PEAK1: variants seen among roughly 807,000 people sequenced by gnomAD.
PEAK1 encodes pseudopodium enriched atypical kinase 1, also known as inactive tyrosine-protein kinase PEAK1.
In PEAK1, 54 loss-of-function variants were observed where a neutral mutation model predicts 124.7. The ratio of observed to expected loss-of-function variants is 0.43; its 90% CI spans 0.35 to 0.54. The LOEUF (loss-of-function observed/expected upper bound fraction) is 0.54, where lower values mean the gene tolerates loss of function less well. PEAK1 is among the 20% of genes least tolerant of loss of function. PEAK1 has a pLI of 0.01. For missense variants in PEAK1, 2,046 were observed against 2,134.5 expected (o/e 0.96, Z 0.82); for synonymous variants, 719 against 760.0 (o/e 0.95, Z 0.89).
At chr15:77,167,127 G>T (rs1032698947) in intron 7 of PEAK1, among the ~76,000 whole-genome samples, 6 of 152,142 alleles carry the variant, frequency 3.9e-5, no homozygotes, top group Non-Finnish European at 8.8e-5. Flanking sequence ...TATACAAGCA[G>T]CAAGGTGTGA....
rs1174615154 is a variant in PEAK1, at chr15:77,180,640, A to C, written c.1287T>G (p.Ala429=). The C allele has an allele frequency of 6.2e-7, 1 of 1,614,062 alleles. No individual in the cohort carries two copies. The highest frequency in any genetic ancestry group is 1.3e-5 in the African/African-American group (1 of 74,924). The change falls in exon 7 of 10, where the codon GCT becomes GCG. Residue 429 remains alanine (A), a synonymous_variant. Transcript: ENST00000682557. Reference sequence around the variant, plus strand: ...TACTTTCTTCCTTCTCAGTTTGTACAGCAATCTTGCCATCTTTCTCTTCTA... The same window carrying C: ...TACTTTCTTCCTTCTCAGTTTGTACCGCAATCTTGCCATCTTTCTCTTCTA... The part of the protein sequence containing the change: ...LRLEEKDGKI[A]VQTEKEESKA...
At chr15:77,321,621 A>C (rs1316602365) in intron 2 of PEAK1, among the ~76,000 whole-genome samples, 1 of 152,128 alleles carries the variant, frequency 6.6e-6, no homozygotes, top group Non-Finnish European at 1.5e-5. Flanking sequence ...GTTCACTCTG[A>C]TGGTAGCTTC....
At chr15:77,226,260 G>A (rs1430048549) in intron 6 of PEAK1, among the ~76,000 whole-genome samples, 3 of 147,656 alleles carry the variant, frequency 2.0e-5, no homozygotes, top group Non-Finnish European at 3.0e-5. Flanking sequence ...TTTGATATTT[G>A]ATCTGAGATG....
chr15:77,391,686 T>G (rs1033945410), intron 1 of PEAK1, among the ~76,000 whole-genome samples: 3 of 152,212 alleles, frequency 2.0e-5, no homozygotes, highest in African/African-American at 7.2e-5. Flanking sequence ...TCTGAATCAC[T>G]GTTTTTTAGT....
chr15:77,191,153 AG>A (rs2057812983), intron 6 of PEAK1, among the ~76,000 whole-genome samples: 1 of 152,226 alleles, frequency 6.6e-6, no homozygotes, highest in Non-Finnish European at 1.5e-5. Context: ...CTCTTATGTC[AG>A]GTAAGCATTC....
At chr15:77,119,520 AG>A (rs2051719269) in intron 9 of PEAK1, among the ~76,000 whole-genome samples, 1 of 152,226 alleles carries the variant, frequency 6.6e-6, no homozygotes, top group African/African-American at 2.4e-5. Flanking sequence ...CTAAATACAG[AG>A]GGTGGGGACC....
intron 2 of PEAK1, among the ~76,000 whole-genome samples, chr15:77,364,654 A>G (rs187042127): frequency 6.6e-6 from 1 of 152,350 alleles, no homozygotes; most frequent in East Asian, 1.9e-4. Flanking sequence ...TGCTATCTAT[A>G]GAAGCTTTCT....
intron 2 of PEAK1, among the ~76,000 whole-genome samples, chr15:77,361,152 G>A (rs2141564695): frequency 6.6e-6 from 1 of 151,980 alleles, no homozygotes; most frequent in East Asian, 1.9e-4. Flanking sequence ...AATATACAAG[G>A]ACAAACATAT....
At chr15:77,351,950 G>A in intron 2 of PEAK1, 1 of 985,184 alleles carries the variant, frequency 1.0e-6, no homozygotes. Flanking sequence ...GCCAGGTGTG[G>A]TGGCTCATGC....
intron 1 of PEAK1, chr15:77,371,252 TA>T (rs2068620630): frequency 1.0e-6 from 1 of 978,080 alleles, no homozygotes; most frequent in Non-Finnish European, 1.2e-6. Context: ...ACCTAGGGCC[TA>T]GTAGATGCTA....
At chr15:77,269,107 A>T (rs367671718) in intron 5 of PEAK1, among the ~76,000 whole-genome samples, 1 of 141,058 alleles carries the variant, frequency 7.1e-6, no homozygotes, top group Non-Finnish European at 1.5e-5. Context: ...CAACACAATG[A>T]AAAAAAAAAA....
upstream of PEAK1, chr15:77,420,902 G>C (rs969527934): frequency 7.5e-6 from 3 of 398,668 alleles, no homozygotes; most frequent in African/African-American, 6.2e-5. Flanking sequence ...GTGAGACGAC[G>C]AGTGCGTGAA....
intron 2 of PEAK1, among the ~76,000 whole-genome samples, chr15:77,290,668 G>A (rs1233589586): frequency 6.6e-6 from 1 of 152,010 alleles, no homozygotes; most frequent in Non-Finnish European, 1.5e-5. Flanking sequence ...TCCCGCCTCA[G>A]CCTCTCTGGT....
intron 5 of PEAK1, among the ~76,000 whole-genome samples, chr15:77,260,682 C>T (rs1044217103): frequency 1.3e-5 from 2 of 152,100 alleles, no homozygotes; most frequent in Non-Finnish European, 2.9e-5. Flanking sequence ...CCAAGATGGC[C>T]GAATAGGAAC....
intron 2 of PEAK1, among the ~76,000 whole-genome samples, chr15:77,331,387 C>T (rs988028665): frequency 2.0e-5 from 3 of 152,102 alleles, no homozygotes; most frequent in Non-Finnish European, 4.4e-5. Context: ...GCCTCGGCCT[C>T]CCAAAGTGCT....
intron 3 of PEAK1, 94 bp downstream of exon 3, chr15:77,286,329 T>G (rs2062929766): frequency 1.5e-6 from 1 of 654,792 alleles, no homozygotes; most frequent in African/African-American, 1.9e-5. Context: ...AGGTTTAAAA[T>G]TATTAGATTT....
intron 6 of PEAK1, among the ~76,000 whole-genome samples, chr15:77,245,627 A>G (rs2060547659): frequency 6.6e-6 from 1 of 152,140 alleles, no homozygotes; most frequent in Non-Finnish European, 1.5e-5. Flanking sequence ...TGAACCCAGG[A>G]GGCAGAGGCT....
intron 7 of PEAK1, among the ~76,000 whole-genome samples, chr15:77,174,283 G>C (rs954107713): frequency 6.6e-6 from 1 of 151,884 alleles, no homozygotes; most frequent in African/African-American, 2.4e-5. Context: ...GTATTTTTTC[G>C]TTTTTCATTC....
At chr15:77,233,530 C>G (rs991551252) in intron 6 of PEAK1, among the ~76,000 whole-genome samples, 1 of 152,236 alleles carries the variant, frequency 6.6e-6, no homozygotes, top group African/African-American at 2.4e-5. Context: ...TACTAGATTT[C>G]TCAGTGTTGG....
Sources: gnomAD v4.1 joint callset for allele counts (sites outside exome capture counted in the v4.1 genomes callset) on GRCh38, gnomAD v4.1.1 for gene constraint, MANE v1.5 for transcripts, NCBI Gene and HGNC (gene_info 2026-07-23, HGNC 2026-07-21) for gene names.